TMEM170A: variants seen among roughly 807,000 people sequenced by gnomAD.
TMEM170A encodes the protein transmembrane protein 170A, also known as transmembrane protein 170.
In TMEM170A, 18 loss-of-function variants were observed where a neutral mutation model predicts 12.8. The ratio of observed to expected loss-of-function variants is 1.41; its 90% CI spans 0.97 to 2.09. TMEM170A has a LOEUF of 2.09. TMEM170A is among the 30% of genes most tolerant of loss of function. TMEM170A has a pLI of 0.00. For synonymous variants in TMEM170A, 107 were observed against 76.2 expected (o/e 1.40, Z -2.11); for missense variants, 220 against 179.9 (o/e 1.22, Z -1.28).
intron 1 of TMEM170A, among the ~76,000 whole-genome samples, chr16:75,463,943 C>T (rs982801712): frequency 3.3e-5 from 5 of 152,238 alleles, no homozygotes; most frequent in Admixed American, 3.3e-4. Flanking sequence ...GAGCGGGTCT[C>T]GGAGGGGGAG....
intron 1 of TMEM170A, chr16:75,458,744 C>T (rs1597451969): frequency 1.3e-5 from 2 of 152,114 alleles, no homozygotes; most frequent in Admixed American, 6.6e-5. Flanking sequence ...CAATAGCAGT[C>T]ATAAAAACAC....
At chr16:75,450,167 G>A (rs1039301699) in intron 2 of TMEM170A, among the ~76,000 whole-genome samples, 15 of 128,042 alleles carry the variant, frequency 1.2e-4, no homozygotes, top group Admixed American at 7.1e-4. Flanking sequence ...AGAGAAACTA[G>A]GCCACTTTCT....
Position 75,460,501 on chromosome 16 carries a change from C to T in TMEM170A, c.133+3967G>A, listed in dbSNP as rs1040730466. Among the ~76,000 whole-genome samples the T allele has an allele frequency of 5.9e-4, 90 of 152,152 alleles. 3 individuals carry two copies. The highest frequency in any genetic ancestry group is 1.3e-4 in the Non-Finnish European group (9 of 68,014). ...GGCCTCTGAATCTGCTGCTCCCTGG[C>T]CTAGAACACATGCTCTTCCCCAAGT... On this transcript the variant is annotated intron_variant, in intron 1 of 2. Coordinates refer to ENST00000561878, the MANE Select transcript of TMEM170A (RefSeq NM_145254.3).
intron 1 of TMEM170A, 51 bp downstream of exon 1, chr16:75,464,417 G>C (rs538291310): frequency 5.0e-6 from 7 of 1,398,540 alleles, no homozygotes; most frequent in Non-Finnish European, 6.5e-6. Flanking sequence ...CCCACAGCAC[G>C]GCAGCGGCGA....
chr16:75,449,348 G>C (rs893751952), intron 2 of TMEM170A, among the ~76,000 whole-genome samples: 4 of 142,586 alleles, frequency 2.8e-5, no homozygotes, highest in African/African-American at 7.8e-5. Context: ...TTTTTTTTGA[G>C]ACAGTGTCTC....
intron 2 of TMEM170A, among the ~76,000 whole-genome samples, chr16:75,451,056 CTCAAG>C (rs1181041909): frequency 6.6e-6 from 1 of 152,146 alleles, no homozygotes; most frequent in African/African-American, 2.4e-5. Context: ...AGGGCCAATG[CTCAAG>C]TGATAGCTGA....
intron 2 of TMEM170A, among the ~76,000 whole-genome samples, chr16:75,449,025 C>T (rs1486750760): frequency 6.6e-6 from 1 of 151,884 alleles, no homozygotes; most frequent in East Asian, 1.9e-4. Context: ...TATGCCACTG[C>T]ACTCCAGCCT....
At chr16:75,450,112 G>A (rs2079655960) in intron 2 of TMEM170A, among the ~76,000 whole-genome samples, 1 of 151,456 alleles carries the variant, frequency 6.6e-6, no homozygotes, top group Admixed American at 6.6e-5. Context: ...GTCATCCTGG[G>A]GCAGAGGGTC....
chr16:75,456,672 C>T (rs1028338471), intron 1 of TMEM170A, among the ~76,000 whole-genome samples: 2 of 152,206 alleles, frequency 1.3e-5, no homozygotes, highest in African/African-American at 2.4e-5. Context: ...CAGAGACGCA[C>T]CCTCCCTGGC....
rs2079544145 is a variant in TMEM170A, at chr16:75,444,101, A to G, written c.*3457T>C. The stretch of plus-strand genomic sequence containing the variant: ...AGACTCCATTTCAAAAAAAAAAGAA[A>G]AAAAAATCAAGAAATCAGCTTTTAT... On this transcript the variant is annotated 3_prime_UTR_variant, in exon 3 of 3. Transcript: ENST00000561878. 1 of 150,324 alleles carries G rather than the reference A, an allele frequency of 6.7e-6. No individual in the cohort carries two copies. Among genetic ancestry groups the G allele is most frequent in the African/African-American group, 2.4e-5 (1 of 40,840 alleles). The allele number at this position is 150,324 out of a possible 1,614,324, so 9.3% of individuals were successfully genotyped here. A position where few individuals can be genotyped will look rare whatever the true frequency, so the allele number is the denominator to read the frequency against.
chr16:75,456,405 C>A (rs1053626453), intron 1 of TMEM170A, among the ~76,000 whole-genome samples: 1 of 152,018 alleles, frequency 6.6e-6, no homozygotes, highest in African/African-American at 2.4e-5. Flanking sequence ...CAGGCCAACA[C>A]GGCGAAACCG....
intron 1 of TMEM170A, among the ~76,000 whole-genome samples, chr16:75,452,218 G>A (rs1313450217): frequency 2.0e-5 from 3 of 151,852 alleles, no homozygotes; most frequent in East Asian, 1.9e-4. Context: ...TGATCCGCCC[G>A]CCTCGGCCTC....
intron 1 of TMEM170A, among the ~76,000 whole-genome samples, chr16:75,454,972 C>A (rs1036643675): frequency 6.6e-6 from 1 of 152,202 alleles, no homozygotes; most frequent in Non-Finnish European, 1.5e-5. Context: ...TCCATAATAT[C>A]AAAAACTAGA....
intron 1 of TMEM170A, among the ~76,000 whole-genome samples, chr16:75,461,157 G>A (rs1434603788): frequency 2.6e-5 from 4 of 152,094 alleles, no homozygotes; most frequent in East Asian, 3.9e-4. Context: ...AGGTTCAAGC[G>A]ATTCTCCTGC....
intron 1 of TMEM170A, chr16:75,458,470 A>C (rs1057306388): frequency 6.6e-6 from 1 of 152,230 alleles, no homozygotes. Flanking sequence ...CCAAGGTAGG[A>C]GATAAGAGTC....
intron 2 of TMEM170A, among the ~76,000 whole-genome samples, chr16:75,451,172 C>G (rs2151631083): frequency 6.6e-6 from 1 of 152,138 alleles, no homozygotes; most frequent in East Asian, 1.9e-4. Context: ...TTCCCTGAAG[C>G]CACTGAGATG....
Position 75,451,727 on chromosome 16 carries a change from C to G in TMEM170A, c.246G>C (p.Met82Ile). Residue 82 changes from methionine to isoleucine, a missense_variant, in exon 2 of 3, where the codon ATG (methionine) becomes ATC (isoleucine). By Grantham distance (10) the Met-to-Ile change is conservative. Coordinates refer to ENST00000561878, the MANE Select transcript of TMEM170A (RefSeq NM_145254.3). ...TLRHHKYGRF[M>I]SVSILLMGIV... Reference sequence around the variant, plus strand: ...TGCCCATCAACAGGATGCTTACAGACATGAACCTACCATATTTGTGATGTC... The same window carrying G: ...TGCCCATCAACAGGATGCTTACAGAGATGAACCTACCATATTTGTGATGTC... 1 of 1,614,154 alleles carries G rather than the reference C, an allele frequency of 6.2e-7. No homozygotes were observed. Among genetic ancestry groups the G allele is most frequent in the Non-Finnish European group, 8.5e-7 (1 of 1,180,012 alleles).
chr16:75,443,868 C>T lies in TMEM170A; in HGVS notation c.*3690G>A, dbSNP rs2079540056. On this transcript the variant is annotated 3_prime_UTR_variant, in exon 3 of 3. Transcript: ENST00000561878. ...CGTTGGGAGGCCGAGGCGGGTGGATCACTTGAAGTCAGGAGTTTGAGACCA... is the reference window on the plus strand; with the variant it reads ...CGTTGGGAGGCCGAGGCGGGTGGATTACTTGAAGTCAGGAGTTTGAGACCA... The T allele has an allele frequency of 6.6e-6, 1 of 152,126 alleles. No homozygotes were observed. Among genetic ancestry groups the T allele is most frequent in the South Asian group, 2.1e-4 (1 of 4,828 alleles). The allele number at this position is 152,126 out of a possible 1,614,324, so 9.4% of individuals were successfully genotyped here. A position where few individuals can be genotyped will look rare whatever the true frequency, so the allele number is the denominator to read the frequency against.
intron 2 of TMEM170A, among the ~76,000 whole-genome samples, chr16:75,450,440 T>C (rs1039803750): frequency 3.3e-5 from 5 of 152,186 alleles, no homozygotes; most frequent in Admixed American, 6.5e-5. Context: ...TTATATAAAA[T>C]ACACATTTAT....
Sources: gnomAD v4.1 joint callset for allele counts (sites outside exome capture counted in the v4.1 genomes callset) on GRCh38, gnomAD v4.1.1 for gene constraint, MANE v1.5 for transcripts, NCBI Gene and HGNC (gene_info 2026-07-23, HGNC 2026-07-21) for gene names.